The following SELP variants were observed in gnomAD, a reference collection of about 807,000 sequenced individuals.
The protein encoded by SELP is selectin P.
A neutral mutation model predicts 104.1 loss-of-function variants in SELP; 92 were observed. That is an observed-to-expected ratio of 0.88 (90% CI 0.75 to 1.05). SELP has a LOEUF of 1.05. Among genes scored for constraint, SELP ranks in the 50% least tolerant of loss-of-function variants. SELP has a pLI of 0.00. For missense variants in SELP, 1,022 were observed against 1,017.3 expected (o/e 1.00, Z -0.06); for synonymous variants, 397 against 364.5 (o/e 1.09, Z -1.01).
chr1:169,590,846 T>C (rs1342617233), intron 15 of SELP, among the ~76,000 whole-genome samples: 1 of 152,226 alleles, frequency 6.6e-6, no homozygotes, highest in Non-Finnish European at 1.5e-5. Flanking sequence ...AAAAGAATTG[T>C]CCAACATCCC....
intron 14 of SELP, 33 bp from the exon 15 acceptor site, chr1:169,591,489 T>TTA: frequency 8.0e-7 from 1 of 1,245,024 alleles, no homozygotes; most frequent in Non-Finnish European, 1.1e-6. Flanking sequence ...AATGAATGAT[T>TTA]AAAAAAAAAA....
intron 9 of SELP, among the ~76,000 whole-genome samples, chr1:169,604,585 C>T (rs190077874): frequency 9.7e-4 from 148 of 152,340 alleles, no homozygotes; most frequent in African/African-American, 3.3e-3. Context: ...ACACTTTCTA[C>T]GCCTTTCTCT....
At chr1:169,623,340 G>A (rs1255642813) in intron 1 of SELP, among the ~76,000 whole-genome samples, 1 of 152,190 alleles carries the variant, frequency 6.6e-6, no homozygotes, top group East Asian at 1.9e-4. Context: ...AGGAGTCGGT[G>A]AGGCTCCCAG....
chr1:169,605,614 G>T (rs1465566360), intron 9 of SELP, among the ~76,000 whole-genome samples: 1 of 152,044 alleles, frequency 6.6e-6, no homozygotes, highest in East Asian at 1.9e-4. Flanking sequence ...AAAGTGAAAG[G>T]TATGGCAAAT....
chr1:169,627,334 T>C (rs1663422483), intron 1 of SELP, among the ~76,000 whole-genome samples: 3 of 152,132 alleles, frequency 2.0e-5, no homozygotes, highest in African/African-American at 7.2e-5. Context: ...ATTATGAATA[T>C]AGACAAGAAG....
intron 10 of SELP, among the ~76,000 whole-genome samples, chr1:169,602,536 G>A (rs1427311741): frequency 6.6e-6 from 1 of 152,176 alleles, no homozygotes; most frequent in Non-Finnish European, 1.5e-5. Flanking sequence ...TATAAAATGA[G>A]ATGATACTGC....
rs71299481 is a variant in SELP, at chr1:169,605,476, G to GGT, written c.1519+1471_1519+1472dup. Among the ~76,000 whole-genome samples, 79 of 130,516 alleles carry GGT rather than the reference G, an allele frequency of 6.1e-4. 1 individual carries two copies. Among genetic ancestry groups the GGT allele is most frequent in the Middle Eastern group, 7.4e-3 (2 of 270 alleles). 85.6% of individuals were successfully genotyped at this position (130,516 alleles called of 152,430 possible). On this transcript the variant is annotated intron_variant, in intron 9 of 16. Coordinates refer to ENST00000263686, the MANE Select transcript of SELP (RefSeq NM_003005.4). ...TACTGTTGACCTAGCTTAACAATGGGGTGTGTGTGTGGGGGGTGTGTGTGT... is the reference window on the plus strand; with the variant it reads ...TACTGTTGACCTAGCTTAACAATGGGGTGTGTGTGTGTGGGGGGTGTGTGTGT...
intron 1 of SELP, among the ~76,000 whole-genome samples, chr1:169,623,097 G>A (rs1000338177): frequency 2.0e-5 from 3 of 152,152 alleles, no homozygotes; most frequent in Admixed American, 1.3e-4. Flanking sequence ...ATTTTTGGAG[G>A]TATAGGAGCA....
chr1:169,602,614 C>G (rs1218622758), intron 10 of SELP, among the ~76,000 whole-genome samples: 1 of 152,044 alleles, frequency 6.6e-6, no homozygotes, highest in African/African-American at 2.4e-5. Context: ...CTTCCTGAAA[C>G]TGTGCAATTT....
rs1425842605 is a variant in SELP at position 169,595,992 on chromosome 1, G to A, written c.2034C>T (p.Leu678=). The A allele has an allele frequency of 1.2e-6, 2 of 1,613,906 alleles. No individual in the cohort carries two copies. Among genetic ancestry groups the A allele is most frequent in the Admixed American group, 1.7e-5 (1 of 60,010 alleles). Residue 678 remains leucine, a synonymous_variant, in exon 12 of 17, where the codon CTC becomes CTT. Transcript: ENST00000263686. Reference sequence around the variant, plus strand: ...TGCAGCTGAGAGTGCTGTCTCCTATGAGTGTGAATCCAGCGTTGCAGCCAA... The same window carrying A: ...TGCAGCTGAGAGTGCTGTCTCCTATAAGTGTGAATCCAGCGTTGCAGCCAA... ...CYFGCNAGFT[L]IGDSTLSCRP... is the part of the protein sequence containing the mutation.
intron 9 of SELP, among the ~76,000 whole-genome samples, chr1:169,606,083 G>A (rs1234976078): frequency 6.6e-6 from 1 of 152,196 alleles, no homozygotes. Flanking sequence ...GTGGGAGGCC[G>A]AGTCAGGCAG....
At chr1:169,597,598 C>T (rs897471554) in intron 10 of SELP, among the ~76,000 whole-genome samples, 1 of 152,160 alleles carries the variant, frequency 6.6e-6, no homozygotes, top group Non-Finnish European at 1.5e-5. Flanking sequence ...ATGCCATCTT[C>T]TCAAATTCAA....
chr1:169,621,374 T>A (rs894635150), intron 1 of SELP, among the ~76,000 whole-genome samples: 4 of 146,474 alleles, frequency 2.7e-5, no homozygotes, highest in African/African-American at 5.1e-5. Context: ...ATTGTGTGTA[T>A]GTGTGTGTCA....
At chr1:169,626,834 A>G (rs1305738687) in intron 1 of SELP, among the ~76,000 whole-genome samples, 1 of 152,140 alleles carries the variant, frequency 6.6e-6, no homozygotes, top group Non-Finnish European at 1.5e-5. Context: ...AACTGGGACT[A>G]CAGGCATGCA....
chr1:169,600,649 G>C (rs1661861240), intron 10 of SELP, among the ~76,000 whole-genome samples: 1 of 152,164 alleles, frequency 6.6e-6, no homozygotes, highest in South Asian at 2.1e-4. Flanking sequence ...TGCTTACTTG[G>C]AGGCCCCTGA....
At chr1:169,592,140 C>T (rs1283893763) in intron 14 of SELP, among the ~76,000 whole-genome samples, 1 of 152,158 alleles carries the variant, frequency 6.6e-6, no homozygotes, top group Non-Finnish European at 1.5e-5. Flanking sequence ...CTTGCCTCTG[C>T]CTTCTGGGTT....
At chr1:169,593,817 G>T in intron 13 of SELP, 93 bp from the exon 14 acceptor site, 1 of 1,356,102 alleles carries the variant, frequency 7.4e-7, no homozygotes, top group South Asian at 1.3e-5. Flanking sequence ...AGAACTCTAA[G>T]ATGTGCGATC....
chr1:169,612,861 G>A (rs1459321200), intron 5 of SELP, 68 bp downstream of exon 5: 2 of 1,306,856 alleles, frequency 1.5e-6, no homozygotes, highest in Admixed American at 2.4e-5. Context: ...AATGGAGAAA[G>A]CTCATTGTGT....
rs1222970453 is a variant in SELP, at chr1:169,623,336, C to T, written c.4-4117G>A. On this transcript the variant is annotated intron_variant, in intron 1 of 16. Transcript: ENST00000263686. ...ACAAGAGTGTGTAGGGCGAAGGAGT[C>T]GGTGAGGCTCCCAGTCTCCCATCAC... Among the ~76,000 whole-genome samples the T allele has an allele frequency of 2.6e-5, 4 of 152,208 alleles. No individual in the cohort carries two copies. The East Asian group carries it at 5.8e-4, about 22-fold the overall frequency.
Sources: gnomAD v4.1 joint callset for allele counts (sites outside exome capture counted in the v4.1 genomes callset) on GRCh38, gnomAD v4.1.1 for gene constraint, MANE v1.5 for transcripts, NCBI Gene and HGNC (gene_info 2026-07-23, HGNC 2026-07-21) for gene names.